EXOC6: variants seen among roughly 807,000 people sequenced by gnomAD.
The protein encoded by EXOC6 is SEC15-like 1.
A neutral mutation model predicts 112.5 loss-of-function variants in EXOC6; 60 were observed. That is an observed-to-expected ratio of 0.53 (90% CI 0.43 to 0.66). The LOEUF is 0.66. Among genes scored for constraint, EXOC6 ranks in the 30% least tolerant of loss-of-function variants. The pLI is 0.00. For missense variants in EXOC6, 855 were observed against 957.1 expected (o/e 0.89, Z 1.41); for synonymous variants, 295 against 308.0 (o/e 0.96, Z 0.44).
At chr10:92,988,545 T>G (rs1269045051) in intron 18 of EXOC6, among the ~76,000 whole-genome samples, 1 of 152,198 alleles carries the variant, frequency 6.6e-6, no homozygotes, top group Non-Finnish European at 1.5e-5. Flanking sequence ...GATTATTCTT[T>G]CTGAAGCACA....
chr10:92,837,413 G>A (rs1029041572), intron 1 of EXOC6, among the ~76,000 whole-genome samples: 1 of 152,222 alleles, frequency 6.6e-6, no homozygotes, highest in South Asian at 2.1e-4. Flanking sequence ...GCTCATGCCT[G>A]TAATCCTAGC....
chr10:92,912,807 G>A (rs1174623215), intron 6 of EXOC6, among the ~76,000 whole-genome samples: 2 of 152,238 alleles, frequency 1.3e-5, no homozygotes, highest in East Asian at 1.9e-4. Flanking sequence ...CCCTAAAGGG[G>A]CCTAGAAGAG....
At chr10:92,974,406 A>T (rs1242612617) in intron 18 of EXOC6, among the ~76,000 whole-genome samples, 174 bp downstream of exon 18, 1 of 152,212 alleles carries the variant, frequency 6.6e-6, no homozygotes, top group East Asian at 1.9e-4. Flanking sequence ...TGAAATTTTA[A>T]TTTATTTTAT....
intron 1 of EXOC6, among the ~76,000 whole-genome samples, chr10:92,837,389 G>C (rs1040237966): frequency 6.6e-6 from 1 of 152,206 alleles, no homozygotes; most frequent in Non-Finnish European, 1.5e-5. Flanking sequence ...GTCAAGCTCT[G>C]GCTACATGCA....
intron 18 of EXOC6, among the ~76,000 whole-genome samples, chr10:92,991,523 T>C (rs1843254052): frequency 1.3e-5 from 2 of 151,780 alleles, no homozygotes. Context: ...TGTAGAAAGC[T>C]AAAAATTTGG....
chr10:92,954,779 G>C, intron 16 of EXOC6, 38 bp downstream of exon 16: 2 of 872,772 alleles, frequency 2.3e-6, no homozygotes, highest in Non-Finnish European at 3.7e-6. Context: ...ATGTTTCATT[G>C]TATGAAACAA....
intron 12 of EXOC6, among the ~76,000 whole-genome samples, chr10:92,937,596 AT>A (rs2133964553): frequency 6.6e-6 from 1 of 152,258 alleles, no homozygotes; most frequent in African/African-American, 2.4e-5. Context: ...TATGGCTTAT[AT>A]TTTAACAGCG....
At chr10:92,978,607 T>A (rs919481778) in intron 18 of EXOC6, among the ~76,000 whole-genome samples, 2 of 152,204 alleles carry the variant, frequency 1.3e-5, no homozygotes, top group African/African-American at 4.8e-5. Context: ...CTAGATTGTT[T>A]TAAGCAAAGA....
intron 20 of EXOC6, among the ~76,000 whole-genome samples, chr10:93,055,150 G>A (rs1339821): frequency 0.43 from 65,607 of 151,926 alleles, 17,099 homozygotes; most frequent in Non-Finnish European, 0.59. Flanking sequence ...GCTTATAACC[G>A]GCATCCTTAA....
intron 17 of EXOC6, among the ~76,000 whole-genome samples, chr10:92,970,063 G>A (rs1220434242): frequency 6.6e-6 from 1 of 151,886 alleles, no homozygotes; most frequent in Non-Finnish European, 1.5e-5. Context: ...TTTCAAGACA[G>A]GGGTGATTTC....
intron 4 of EXOC6, 151 bp downstream of exon 4, chr10:92,895,171 C>T: frequency 3.2e-6 from 2 of 619,036 alleles, no homozygotes; most frequent in Non-Finnish European, 5.7e-6. Flanking sequence ...TCATTTTATT[C>T]CCTGAATATT....
upstream of EXOC6, among the ~76,000 whole-genome samples, chr10:92,831,694 C>G (rs1367393901): frequency 6.6e-6 from 1 of 152,150 alleles, no homozygotes; most frequent in Non-Finnish European, 1.5e-5. Flanking sequence ...CTCGGCCTCC[C>G]AAAGTGCTGG....
intron 17 of EXOC6, among the ~76,000 whole-genome samples, chr10:92,968,944 T>C (rs1842178584): frequency 6.6e-6 from 1 of 152,192 alleles, no homozygotes; most frequent in Non-Finnish European, 1.5e-5. Context: ...TTATGAGTCA[T>C]TTCTTCGTTA....
At chr10:92,868,261 G>A (rs1247905597) in intron 1 of EXOC6, among the ~76,000 whole-genome samples, 3 of 151,984 alleles carry the variant, frequency 2.0e-5, no homozygotes, top group Non-Finnish European at 2.9e-5. Context: ...ATGAGGAGTG[G>A]CTCTTTATCT....
upstream of EXOC6, among the ~76,000 whole-genome samples, chr10:92,832,817 C>T (rs1846531878): frequency 1.3e-5 from 2 of 151,978 alleles, no homozygotes; most frequent in South Asian, 2.1e-4. Context: ...CATATGCCAC[C>T]AAGCCCAGCT....
At chr10:92,835,034 C>G (rs1360842529) in intron 1 of EXOC6, among the ~76,000 whole-genome samples, 3 of 152,116 alleles carry the variant, frequency 2.0e-5, no homozygotes, top group Non-Finnish European at 4.4e-5. Context: ...AACTCATCAC[C>G]ATAAGATTAA....
intron 17 of EXOC6, among the ~76,000 whole-genome samples, chr10:92,957,470 A>G (rs965831901): frequency 2.0e-5 from 3 of 152,196 alleles, no homozygotes; most frequent in Non-Finnish European, 4.4e-5. Context: ...AAGAATGTTT[A>G]GAAATGTTAG....
At chr10:92,970,336 T>C (rs1842246820) in intron 17 of EXOC6, among the ~76,000 whole-genome samples, 1 of 152,252 alleles carries the variant, frequency 6.6e-6, no homozygotes, top group Non-Finnish European at 1.5e-5. Context: ...ACTATTTACA[T>C]AGCATTTACA....
intron 18 of EXOC6, among the ~76,000 whole-genome samples, chr10:92,988,417 C>T (rs1051460621): frequency 6.6e-6 from 1 of 152,172 alleles, no homozygotes; most frequent in Admixed American, 6.5e-5. Context: ...CCTATATCCT[C>T]TTCTTTCTGT....
Sources: gnomAD v4.1 joint callset for allele counts (sites outside exome capture counted in the v4.1 genomes callset) on GRCh38, gnomAD v4.1.1 for gene constraint, MANE v1.5 for transcripts, NCBI Gene and HGNC (gene_info 2026-07-23, HGNC 2026-07-21) for gene names.